Variants in NIBAN3 observed in about 807,000 individuals in gnomAD.
NIBAN3 encodes the protein protein Niban 3.
NIBAN3 carries 66 observed loss-of-function variants against 76.4 expected under a neutral mutation model. The ratio of observed to expected loss-of-function variants is 0.86; its 90% CI spans 0.71 to 1.06. The LOEUF is 1.06. Ranked by LOEUF, NIBAN3 falls within the 50% of genes least tolerant of loss-of-function variation. The pLI, the probability that NIBAN3 is intolerant of heterozygous loss-of-function variation, is 0.00. For missense variants in NIBAN3, 808 were observed against 810.7 expected (o/e 1.00, Z 0.04); for synonymous variants, 360 against 355.2 (o/e 1.01, Z -0.15).
intron 8 of NIBAN3, 85 bp downstream of exon 8, chr19:17,539,850 T>C: frequency 9.2e-7 from 1 of 1,087,788 alleles, no homozygotes; most frequent in African/African-American, 1.7e-5. Context: ...AGAATGGGCT[T>C]GAAGTTATGT....
At chr19:17,547,660 C>T (rs2144773747) in intron 13 of NIBAN3, among the ~76,000 whole-genome samples, 1 of 141,272 alleles carries the variant, frequency 7.1e-6, no homozygotes, top group African/African-American at 2.6e-5. Context: ...GCCAAGACTC[C>T]ATCTTTTATT....
At position 17,533,303 on chromosome 19, in the gene NIBAN3, G is replaced by C. The variant is rs368497768; in HGVS notation, c.313-284G>C. Among the ~76,000 whole-genome samples the C allele has an allele frequency of 9.9e-5, 15 of 152,136 alleles. No homozygotes were observed. In the East Asian group the frequency reaches 2.7e-3, roughly 27 times the overall value. On this transcript the variant is annotated intron_variant, in intron 3 of 14. Coordinates refer to ENST00000599164, the MANE Select transcript of NIBAN3 (RefSeq NM_001321827.2). ...CGGGTGCCTGTAATCCCAGCTACTC[G>C]GGAGGCTGAGGTGGAAGAATCACTT... is the stretch of plus-strand genomic sequence containing the variant.
At chr19:17,526,316 GA>G (rs201138803), upstream of NIBAN3, among the ~76,000 whole-genome samples, 51 of 144,590 alleles carry the variant, frequency 3.5e-4, 1 homozygote, top group East Asian at 6.9e-3. Context: ...CTGTCCCAAA[GA>G]AAAAAAAAAG....
At chr19:17,548,700 T>G (rs1470135435) in intron 13 of NIBAN3, among the ~76,000 whole-genome samples, 1 of 151,744 alleles carries the variant, frequency 6.6e-6, no homozygotes, top group African/African-American at 2.4e-5. Flanking sequence ...TTGAGGAGGG[T>G]GGATCACTGG....
In NIBAN3 at chr19:17,537,360, T is replaced by C; in HGVS notation, c.428-16T>C. ...GAATGAACGTCTAGAAGATGCGACC[T>C]CCTGTTTGTTTTCAGGAGACCATAC... On this transcript the variant is annotated splice_polypyrimidine_tract_variant and intron_variant, in intron 4 of 14. Coordinates refer to ENST00000599164, the MANE Select transcript of NIBAN3 (RefSeq NM_001321827.2). 6.2e-7 allele frequency: 1 copy of C among 1,611,292 alleles called. No homozygotes were observed.
chr19:17,548,963 G>T (rs532247382), intron 13 of NIBAN3, among the ~76,000 whole-genome samples: 3 of 151,642 alleles, frequency 2.0e-5, no homozygotes, highest in South Asian at 4.2e-4. Context: ...ATAAGGTGAG[G>T]TCAGAGAGTT....
chr19:17,531,038 G>C (rs2075711945), intron 2 of NIBAN3, among the ~76,000 whole-genome samples, 153 bp downstream of exon 2: 1 of 151,986 alleles, frequency 6.6e-6, no homozygotes, highest in Non-Finnish European at 1.5e-5. Context: ...GAGCAGCCAA[G>C]CAAGGTGGCT....
At chr19:17,530,623 G>T (rs1345200397) in intron 1 of NIBAN3, 132 bp from the exon 2 acceptor site, 6 of 719,850 alleles carry the variant, frequency 8.3e-6, no homozygotes, top group Non-Finnish European at 1.3e-5. Flanking sequence ...ATGAAATTTG[G>T]TGACAACTTG....
Position 17,546,600 on chromosome 19 carries a change from G to A in NIBAN3, c.1555-86G>A. On this transcript the variant is annotated intron_variant, in intron 12 of 14. Coordinates refer to ENST00000599164, the MANE Select transcript of NIBAN3 (RefSeq NM_001321827.2). ...GCCCCCCAACCCCACAGCTAATCAG[G>A]CCCAGGGCTAGGGCAGAAGCCTGTG... 6 of 1,364,492 alleles carry A rather than the reference G, an allele frequency of 4.4e-6. No individual in the cohort carries two copies. The South Asian group carries it at 8.8e-5, about 20-fold the overall frequency. 84.5% of individuals were successfully genotyped at this position (1,364,492 alleles called of 1,614,324 possible). A position where few individuals can be genotyped will look rare whatever the true frequency, so the allele number is the denominator to read the frequency against.
At position 17,530,871 on chromosome 19, in the gene NIBAN3, T is replaced by C. The variant is rs1485251716; in HGVS notation, c.172T>C (p.Leu58=). Residue 58 remains leucine (L), a synonymous_variant, in exon 2 of 15, where the codon TTG becomes CTG. Transcript: ENST00000599164. ...CCCTCAGGAGCCGACCGGAAGCCAG[T>C]TGCTACGCAGCAAAGTGGGTGTTGT... ...LGPQEPTGSQ[L]LRSKKLPRVR... is the part of the protein sequence containing the mutation. 3.7e-6 allele frequency: 6 copies of C among 1,613,334 alleles called. No homozygotes were observed. Among genetic ancestry groups the C allele is most frequent in the South Asian group, 1.1e-5 (1 of 91,058 alleles).
chr19:17,532,055 T>C (rs12983584), intron 2 of NIBAN3, among the ~76,000 whole-genome samples: 122,658 of 152,242 alleles, frequency 0.81, 49,936 homozygotes, highest in Middle Eastern at 0.92. Flanking sequence ...CTCTCCGGAA[T>C]GCCCCACTTC....
At chr19:17,543,769 G>T in intron 12 of NIBAN3, 138 bp downstream of exon 12, 1 of 654,190 alleles carries the variant, frequency 1.5e-6, no homozygotes, top group African/African-American at 1.8e-5. Context: ...AAGGCAGGCA[G>T]ATCACAAGGT....
At chr19:17,546,434 C>G in intron 12 of NIBAN3, 1 of 453,314 alleles carries the variant, frequency 2.2e-6, no homozygotes, top group Non-Finnish European at 3.0e-6. Context: ...TCAGGCTGGT[C>G]TTGAACTCCT....
At chr19:17,548,971 G>A (rs1189650521) in intron 13 of NIBAN3, among the ~76,000 whole-genome samples, 1 of 151,632 alleles carries the variant, frequency 6.6e-6, no homozygotes, top group African/African-American at 2.4e-5. Context: ...AGGTCAGAGA[G>A]TTGGGAGACA....
At chr19:17,545,919 GA>G in intron 12 of NIBAN3, 1 of 433,872 alleles carries the variant, frequency 2.3e-6, no homozygotes, top group Non-Finnish European at 4.7e-6. Flanking sequence ...CTCCCCCGGA[GA>G]AAAGGAGACT....
At chr19:17,554,203 G>A (rs549603903), downstream of NIBAN3, among the ~76,000 whole-genome samples, 17 of 152,212 alleles carry the variant, frequency 1.1e-4, 1 homozygote, top group South Asian at 3.5e-3. Flanking sequence ...AAGTTTTAGC[G>A]GGGCATGATG....
chr19:17,554,433 T>C (rs565554887), downstream of NIBAN3, among the ~76,000 whole-genome samples: 9 of 151,126 alleles, frequency 6.0e-5, no homozygotes, highest in African/African-American at 1.7e-4. Flanking sequence ...TGAGCCATGA[T>C]CATGTGATCA....
In NIBAN3 at chr19:17,549,902, C is replaced by T. The variant is rs909020849; in HGVS notation, c.1750+375C>T. ...CATAATCTCAGCTCACTGCAACCTC[C>T]TCCTCCCAGGTTCAAGTGAATCTCC... On this transcript the variant is annotated intron_variant, in intron 14 of 14. Coordinates refer to ENST00000599164, the MANE Select transcript of NIBAN3 (RefSeq NM_001321827.2). The T allele has an allele frequency of 1.7e-5, 7 of 409,722 alleles. No homozygotes were observed. In the East Asian group the frequency reaches 2.2e-4, roughly 13 times the overall value. 25.4% of individuals were successfully genotyped at this position (409,722 alleles called of 1,614,324 possible). A position where few individuals can be genotyped will look rare whatever the true frequency, so the allele number is the denominator to read the frequency against.
In NIBAN3 at chr19:17,549,456, C is replaced by A. The variant is rs1271989201; in HGVS notation, c.1679C>A (p.Thr560Asn). Reference sequence around the variant, plus strand: ...CATCTCATTTCAGAATTGAAAAAGACCCTTGGTGCCAATGATGTATCCTGC... The same window carrying A: ...CATCTCATTTCAGAATTGAAAAAGAACCTTGGTGCCAATGATGTATCCTGC... Reference protein sequence around the residue: ...LQRIDQELKKTLGANDVSCTL... With the variant: ...LQRIDQELKKNLGANDVSCTL... The change falls in exon 14 of 15, where the codon ACC (threonine) becomes AAC (asparagine). Residue 560 changes from threonine (T) to asparagine (N), a missense_variant. Coordinates refer to ENST00000599164, the MANE Select transcript of NIBAN3 (RefSeq NM_001321827.2). The A allele has an allele frequency of 6.2e-7, 1 of 1,613,160 alleles. No individual in the cohort carries two copies. Among genetic ancestry groups the A allele is most frequent in the Non-Finnish European group, 8.5e-7 (1 of 1,179,406 alleles).
Sources: allele counts gnomAD v4.1 joint callset (sites outside exome capture counted in the v4.1 genomes callset), GRCh38; gene constraint gnomAD v4.1.1; transcripts MANE v1.5; gene names NCBI Gene and HGNC (gene_info 2026-07-23, HGNC 2026-07-21).